RPL3L: variants seen among roughly 807,000 people sequenced by gnomAD.
The protein encoded by RPL3L is ribosomal protein uL3-like.
RPL3L carries 44 observed loss-of-function variants against 44.5 expected under a neutral mutation model. That is an observed-to-expected ratio of 0.99 (90% CI 0.78 to 1.27). RPL3L has a LOEUF of 1.27. Ranked by LOEUF, RPL3L falls within the 50% of genes most tolerant of loss-of-function variation. The probability of loss-of-function intolerance (pLI) is 0.00; values close to 1 mark genes in which losing one functional copy is unlikely to be tolerated. For missense variants in RPL3L, 631 were observed against 569.1 expected (o/e 1.11, Z -1.11); for synonymous variants, 292 against 230.7 (o/e 1.27, Z -2.41).
intron 2 of RPL3L, among the ~76,000 whole-genome samples, chr16:1,953,626 T>C (rs976750998): frequency 8.5e-5 from 13 of 152,244 alleles, no homozygotes; most frequent in African/African-American, 2.9e-4. Flanking sequence ...AGACCCGAAA[T>C]GGCCAAAAAG....
rs768447801 is a variant in RPL3L, at chr16:1,954,000, G to A, written c.152C>T (p.Ala51Val). ...CTCCCGCAGGGTGTGGGTCATGCCCGCCTTGTAGCCCAGGAAGGCCGTGAG... is the reference window on the plus strand; with the variant it reads ...CTCCCGCAGGGTGTGGGTCATGCCCACCTTGTAGCCCAGGAAGGCCGTGAG... ...VHLTAFLGYK[A>V]GMTHTLREVH... Residue 51 changes from alanine to valine, a missense_variant, in exon 2 of 10, where the codon GCG (alanine) becomes GTG (valine). Ala to Val is a moderately conservative substitution (Grantham distance 64). Transcript: ENST00000268661. 51 of 1,598,034 alleles carry A rather than the reference G, an allele frequency of 3.2e-5. No homozygotes were observed. The highest frequency in any genetic ancestry group is 1.7e-4 in the Middle Eastern group (1 of 6,024).
In RPL3L at chr16:1,945,901, G is replaced by A. The variant is rs1472318700; in HGVS notation, c.981C>T (p.Asn327=). The change falls in exon 8 of 10, where the codon AAC becomes AAT. Residue 327 remains asparagine (N), a synonymous_variant. Transcript: ENST00000268661. The part of the protein sequence containing the change: ...LGGFPHYGEV[N]NDFVMLKGCI... ...AACCCTTCAGCATGACGAAGTCGTT[G>A]TTCACTTCCCCGTAGTGGGGGAAGC... 2.5e-6 allele frequency: 4 copies of A among 1,613,392 alleles called. No homozygotes were observed. The highest frequency in any genetic ancestry group is 1.3e-5 in the African/African-American group (1 of 75,048).
intron 4 of RPL3L, among the ~76,000 whole-genome samples, chr16:1,947,797 CA>C (rs879285913): frequency 3.9e-5 from 6 of 152,076 alleles, no homozygotes; most frequent in Admixed American, 3.9e-4. Context: ...GGCCTGGTGG[CA>C]GAGGAGGCCT....
intron 9 of RPL3L, 84 bp from the exon 10 acceptor site, chr16:1,944,977 G>C (rs2083109700): frequency 1.9e-6 from 3 of 1,574,284 alleles, no homozygotes; most frequent in African/African-American, 2.8e-5. Context: ...AGATCACTCA[G>C]GGCCGGCCCT....
rs181595812 is a variant in RPL3L at position 1,952,895 on chromosome 16, C to G, written c.344G>C (p.Arg115Pro). 1.9e-6 allele frequency: 3 copies of G among 1,613,902 alleles called. No individual in the cohort carries two copies. ...IFAEHLSDECRRRFYKDWHKS... is the reference protein window; with the variant it reads ...IFAEHLSDECPRRFYKDWHKS... ...TCACCAGTCCTTGTAGAATCGGCGC[C>G]GGCACTCATCACTGAGGTGTTCTGC... The change falls in exon 3 of 10, where the codon CGG becomes CCG. Residue 115 changes from arginine (R) to proline (P), a missense_variant. Physicochemically the swap from Arg to Pro is moderately radical, Grantham distance 103 (BLOSUM62 -2). Transcript: ENST00000268661.
In RPL3L at chr16:1,945,844, C is replaced by A. The variant is rs754478789; in HGVS notation, c.1038G>T (p.Thr346=). 2 of 1,613,994 alleles carry A rather than the reference C, an allele frequency of 1.2e-6. No individual in the cohort carries two copies. The highest frequency in any genetic ancestry group is 1.7e-6 in the Non-Finnish European group (2 of 1,179,996). The change falls in exon 8 of 10, where the codon ACG becomes ACT. Residue 346 remains threonine, a synonymous_variant. Transcript: ENST00000268661. ...ACCCAGCACTGCCAACCTTTCTCAG[C>A]GTAATGACCCGCTTCTTGGTACCAG... The part of the protein sequence containing the change: ...CIAGTKKRVI[T]LRKSLLVHHS...
At chr16:1,950,767 T>A in intron 4 of RPL3L, 77 bp downstream of exon 4, 1 of 1,606,032 alleles carries the variant, frequency 6.2e-7, no homozygotes, top group Non-Finnish European at 8.5e-7. Context: ...AGGCTGACAT[T>A]TGCCACAGCT....
At chr16:1,953,145 G>A in intron 2 of RPL3L, 103 bp from the exon 3 acceptor site, 3 of 1,261,454 alleles carry the variant, frequency 2.4e-6, no homozygotes, top group Non-Finnish European at 3.2e-6. Flanking sequence ...AGAGTGTGGG[G>A]CCAGCCAGGA....
rs1487015970 is a variant in RPL3L, at chr16:1,944,694, CTT to C, written c.*141_*142del. ...CAATTCCCCTGTCTTAATGAATCGG[CTT>C]TGTCTAGGCAGCAGGCAAGGTGAAC... On this transcript the variant is annotated 3_prime_UTR_variant, in exon 10 of 10. Coordinates refer to ENST00000268661, the MANE Select transcript of RPL3L (RefSeq NM_005061.3). The C allele has an allele frequency of 4.2e-6, 4 of 941,678 alleles. No homozygotes were observed. The highest frequency in any genetic ancestry group is 1.9e-5 in the Admixed American group (1 of 51,426). 58.3% of individuals were successfully genotyped at this position (941,678 alleles called of 1,614,324 possible).
At chr16:1,947,431 A>C (rs1450186906) in intron 4 of RPL3L, 51 bp from the exon 5 acceptor site, 1 of 1,471,664 alleles carries the variant, frequency 6.8e-7, no homozygotes, top group South Asian at 1.4e-5. Context: ...TCACACCCCC[A>C]CCTGAAACAT....
In RPL3L at chr16:1,944,912, CAGG is replaced by C; in HGVS notation, c.1168-22_1168-20del. The C allele has an allele frequency of 1.3e-6, 2 of 1,598,936 alleles. No individual in the cohort carries two copies. Among genetic ancestry groups the C allele is most frequent in the Non-Finnish European group, 1.7e-6 (2 of 1,176,546 alleles). ...GGGGGCCCTGGTTGAGAGGGTGGTG[CAGG>C]AGGAGCCTTAGTCACTCTGGCCAGA... On this transcript the variant is annotated intron_variant, in intron 9 of 9. Transcript: ENST00000268661.
At chr16:1,952,738 C>T in intron 3 of RPL3L, 136 bp downstream of exon 3, 1 of 989,308 alleles carries the variant, frequency 1.0e-6, no homozygotes, top group Non-Finnish European at 1.5e-6. Flanking sequence ...CACAGACACT[C>T]CTACCTCCCA....
chr16:1,949,138 T>A (rs780935195), intron 4 of RPL3L, among the ~76,000 whole-genome samples: 8 of 151,220 alleles, frequency 5.3e-5, no homozygotes, highest in Non-Finnish European at 8.8e-5. Context: ...GCCCAGCCAA[T>A]TTTTAATTTT....
In RPL3L at chr16:1,946,652, G is replaced by C; in HGVS notation, c.924C>G (p.Asp308Glu). Reference protein sequence around the residue: ...LVKNNASTSYDVTAKSITPLG... With the variant: ...LVKNNASTSYEVTAKSITPLG... ...GCGGTGTGATGGACTTGGCAGTCAC[G>C]TCGTAGCTGGTGGATGCATTGTTCT... The change falls in exon 7 of 10, where the codon GAC becomes GAG. Residue 308 changes from aspartate (D) to glutamate (E), a missense_variant. By Grantham distance (45) the Asp-to-Glu change is conservative. Transcript: ENST00000268661. 6.2e-7 allele frequency: 1 copy of C among 1,612,734 alleles called. No homozygotes were observed. The highest frequency in any genetic ancestry group is 1.7e-4 in the Middle Eastern group (1 of 6,060).
At chr16:1,954,355 C>T (rs1386245958) in intron 1 of RPL3L, among the ~76,000 whole-genome samples, 1 of 152,120 alleles carries the variant, frequency 6.6e-6, no homozygotes, top group Non-Finnish European at 1.5e-5. Flanking sequence ...CCACAGGCTT[C>T]CTGCCTCTGT....
intron 4 of RPL3L, among the ~76,000 whole-genome samples, chr16:1,947,835 A>G (rs1256102613): frequency 3.3e-5 from 5 of 151,878 alleles, no homozygotes; most frequent in African/African-American, 1.2e-4. Flanking sequence ...CAGAGAGGAG[A>G]CCAGTGTGGG....
chr16:1,949,665 TAGGTATGTATGGGGC>T (rs2083154875), intron 4 of RPL3L, among the ~76,000 whole-genome samples: 1 of 142,780 alleles, frequency 7.0e-6, no homozygotes, highest in African/African-American at 2.7e-5. Context: ...TAGTGACCCA[TAGGTATGTATGGGGC>T]AGGTATGTAT....
chr16:1,948,832 CAGCCTCCCGAGT>C (rs1333422548), intron 4 of RPL3L, among the ~76,000 whole-genome samples: 1 of 152,038 alleles, frequency 6.6e-6, no homozygotes, highest in Non-Finnish European at 1.5e-5. Flanking sequence ...TCTCCTACCT[CAGCCTCCCGAGT>C]AGCTGGGACT....
In RPL3L at chr16:1,947,089, C is replaced by T. The variant is rs775652929; in HGVS notation, c.698G>A (p.Ser233Asn). 1 of 1,613,490 alleles carries T rather than the reference C, an allele frequency of 6.2e-7. No individual in the cohort carries two copies. Among genetic ancestry groups the T allele is most frequent in the Non-Finnish European group, 8.5e-7 (1 of 1,180,000 alleles). Reference sequence around the variant, plus strand: ...CGGCAGCTTCTTGGTATGCCAGCGGCTTGTGACCCCTGTGAGTGAGAGGGG... The same window carrying T: ...CGGCAGCTTCTTGGTATGCCAGCGGTTTGTGACCCCTGTGAGTGAGAGGGG... ...TKGRGVKGVT[S>N]RWHTKKLPRK... Residue 233 changes from serine to asparagine, a missense_variant, in exon 6 of 10, where the codon AGC becomes AAC. Coordinates refer to ENST00000268661, the MANE Select transcript of RPL3L (RefSeq NM_005061.3).
Sources: allele counts gnomAD v4.1 joint callset (sites outside exome capture counted in the v4.1 genomes callset), GRCh38; gene constraint gnomAD v4.1.1; transcripts MANE v1.5; gene names NCBI Gene and HGNC (gene_info 2026-07-23, HGNC 2026-07-21).